NR5A2: variants seen among roughly 807,000 people sequenced by gnomAD.
The protein encoded by NR5A2 is nuclear receptor subfamily 5 group A member 2.
NR5A2 carries 26 observed loss-of-function variants against 62.7 expected under a neutral mutation model. The observed-to-expected ratio is 0.41, with a 90% CI of 0.30 to 0.58. The LOEUF (loss-of-function observed/expected upper bound fraction) is 0.58, where lower values mean the gene tolerates loss of function less well. Ranked by LOEUF, NR5A2 falls within the 20% of genes least tolerant of loss-of-function variation. The pLI, the probability that NR5A2 is intolerant of heterozygous loss-of-function variation, is 0.22. For missense variants in NR5A2, 541 were observed against 669.1 expected, an observed-to-expected ratio of 0.81 and a Z score of 2.11; for synonymous variants, 246 against 241.7, an observed-to-expected ratio of 1.02 and a Z score of -0.16.
chr1:200,066,588 C>CTTTTCTTTTTTTT (rs1553267898), intron 5 of NR5A2, among the ~76,000 whole-genome samples: 2 of 113,154 alleles, frequency 1.8e-5, no homozygotes, highest in African/African-American at 8.2e-5. Flanking sequence ...AATTAATTAT[C>CTTTTCTTTTTTTT]TTTTTTTTTT....
At chr1:200,088,565 C>T (rs1343227051) in intron 5 of NR5A2, among the ~76,000 whole-genome samples, 1 of 152,106 alleles carries the variant, frequency 6.6e-6, no homozygotes, top group Admixed American at 6.5e-5. Flanking sequence ...CCGCCCAGCC[C>T]CTTGTTATTT....
chr1:200,173,985 C>A lies in NR5A2; in HGVS notation c.1401C>A (p.Phe467Leu). ...FSLDVKNLEN[F>L]QLVEGVQEQV... ...CAGATGTCAAAAACCTTGAAAACTT[C>A]CAGCTGGTAGAAGGTGTCCAGGAAC... The change falls in exon 8 of 8, where the codon TTC (phenylalanine) becomes TTA (leucine). Residue 467 changes from phenylalanine to leucine, a missense_variant. Phe to Leu is a conservative substitution (Grantham distance 22). Around this residue, in one of 3 missense-constraint regions of NR5A2, gnomAD observed 379 missense variants for 442.0 expected, o/e 0.86. Coordinates refer to ENST00000367362, the MANE Select transcript of NR5A2 (RefSeq NM_205860.3). 6.9e-7 allele frequency: 1 copy of A among 1,459,174 alleles called. No individual in the cohort carries two copies. Among genetic ancestry groups the A allele is most frequent in the Non-Finnish European group, 9.1e-7 (1 of 1,098,446 alleles). 90.4% of individuals were successfully genotyped at this position (1,459,174 alleles called of 1,614,324 possible). A position where few individuals can be genotyped will look rare whatever the true frequency, so the allele number is the denominator to read the frequency against.
rs1662491770 is a variant in NR5A2 at position 200,048,660 on chromosome 1, G to A, written c.952G>A (p.Val318Ile). Reference protein sequence around the residue: ...LLKCEPDEPQVQAKIMAYLQQ... With the variant: ...LLKCEPDEPQIQAKIMAYLQQ... ...GAAGTGTGAGCCAGATGAGCCTCAA[G>A]TCCAGGCTAAAATCATGGCCTATTT... is the stretch of plus-strand genomic sequence containing the variant. Residue 318 changes from valine (V) to isoleucine (I), a missense_variant, in exon 5 of 8, where the codon GTC becomes ATC. By Grantham distance (29) the Val-to-Ile change is conservative (BLOSUM62 3). Around this residue, in one of 3 missense-constraint regions of NR5A2, gnomAD observed 379 missense variants for 442.0 expected, o/e 0.86. Coordinates refer to ENST00000367362, the MANE Select transcript of NR5A2 (RefSeq NM_205860.3). This position sits in a 1 kb window ranked among gnomAD's most constrained non-coding sequence, Gnocchi z 4.8. 1 of 1,614,212 alleles carries A rather than the reference G, an allele frequency of 6.2e-7. No homozygotes were observed. Among genetic ancestry groups the A allele is most frequent in the Non-Finnish European group, 8.5e-7 (1 of 1,180,038 alleles).
intron 6 of NR5A2, among the ~76,000 whole-genome samples, chr1:200,111,893 A>T (rs2816976): frequency 0.43 from 65,100 of 151,904 alleles, 14,377 homozygotes; most frequent in East Asian, 0.68. Context: ...GATCAACAAA[A>T]ATTTATTGAG....
At chr1:200,103,050 A>C (rs1378821268) in intron 5 of NR5A2, among the ~76,000 whole-genome samples, 1 of 151,918 alleles carries the variant, frequency 6.6e-6, no homozygotes, top group Non-Finnish European at 1.5e-5. Context: ...CTCATTGGTA[A>C]AATGAGGATT....
chr1:200,118,024 T>TTC (rs1553274566), intron 6 of NR5A2, among the ~76,000 whole-genome samples: 4 of 139,324 alleles, frequency 2.9e-5, no homozygotes, highest in Non-Finnish European at 6.2e-5. Context: ...TTTTTCTTTT[T>TTC]TTTTTTTTTT....
chr1:200,140,946 G>A (rs1434537938), intron 7 of NR5A2, among the ~76,000 whole-genome samples: 3 of 152,136 alleles, frequency 2.0e-5, no homozygotes, highest in Non-Finnish European at 4.4e-5. Context: ...CAGGAGAATT[G>A]CTTGAACCTG....
At chr1:200,071,000 G>A (rs1168759770) in intron 5 of NR5A2, among the ~76,000 whole-genome samples, 2 of 152,156 alleles carry the variant, frequency 1.3e-5, no homozygotes, top group Admixed American at 6.6e-5. Context: ...CTTTTGAAAT[G>A]GGAGCAAAGC....
chr1:200,147,683 A>C lies in NR5A2; in HGVS notation c.1379-26280A>C. 1 of 686,446 alleles carries C rather than the reference A, an allele frequency of 1.5e-6. No homozygotes were observed. The highest frequency in any genetic ancestry group is 2.8e-6 in the Non-Finnish European group (1 of 362,494). 42.5% of individuals were successfully genotyped at this position (686,446 alleles called of 1,614,324 possible). ...TCGGACACGTGGAAGACATGGGTGG[A>C]CTTGGGCTCCGAGGCGATCTCCTCC... On this transcript the variant is annotated intron_variant, in intron 7 of 7. Transcript: ENST00000367362. This position sits in a 1 kb window ranked among gnomAD's most constrained non-coding sequence, Gnocchi z 4.9.
intron 5 of NR5A2, among the ~76,000 whole-genome samples, chr1:200,105,735 T>C (rs1021699268): frequency 6.6e-6 from 1 of 152,098 alleles, no homozygotes. Flanking sequence ...GAGGATACCT[T>C]GAGTCTAGGA....
chr1:200,102,712 G>T (rs976105071), intron 5 of NR5A2, among the ~76,000 whole-genome samples: 4 of 151,972 alleles, frequency 2.6e-5, no homozygotes, highest in Non-Finnish European at 4.4e-5. Context: ...AGCTTATTTT[G>T]TACAATTTAA....
At chr1:200,031,497 A>G (rs1661544831) in intron 1 of NR5A2, among the ~76,000 whole-genome samples, 1 of 152,024 alleles carries the variant, frequency 6.6e-6, no homozygotes, top group African/African-American at 2.4e-5. Context: ...CCTGGGCAAC[A>G]AAGTGAGACC....
At chr1:200,064,514 C>A (rs1295123588) in intron 5 of NR5A2, among the ~76,000 whole-genome samples, 1 of 152,042 alleles carries the variant, frequency 6.6e-6, no homozygotes, top group African/African-American at 2.4e-5. Flanking sequence ...GCTGGAAGGA[C>A]AAGGATAGGG....
At chr1:200,058,793 G>GT (rs973028852) in intron 5 of NR5A2, among the ~76,000 whole-genome samples, 3 of 142,874 alleles carry the variant, frequency 2.1e-5, no homozygotes, top group African/African-American at 8.3e-5. Context: ...TTTGTTTTTT[G>GT]TTTTTGTTTT....
chr1:200,170,451 ACT>A (rs1654119912), intron 7 of NR5A2, among the ~76,000 whole-genome samples: 1 of 152,194 alleles, frequency 6.6e-6, no homozygotes, highest in African/African-American at 2.4e-5. Context: ...AAGTTTCTAA[ACT>A]CTTCCTAAAA....
intron 7 of NR5A2, among the ~76,000 whole-genome samples, chr1:200,139,300 G>A (rs1001032404): frequency 3.3e-5 from 5 of 152,088 alleles, no homozygotes; most frequent in South Asian, 2.1e-4. Flanking sequence ...AACCTTCTGT[G>A]TAGACATTCA....
intron 5 of NR5A2, among the ~76,000 whole-genome samples, chr1:200,082,395 T>C (rs1664338724): frequency 1.3e-5 from 2 of 152,206 alleles, no homozygotes; most frequent in Admixed American, 1.3e-4. Context: ...GAGAAGAACA[T>C]CACATTAGGT....
At chr1:200,121,449 C>T (rs752866124) in intron 7 of NR5A2, among the ~76,000 whole-genome samples, 5 of 152,146 alleles carry the variant, frequency 3.3e-5, no homozygotes, top group African/African-American at 4.8e-5. Context: ...CCAGATGCAC[C>T]ACTATGCAAG....
At chr1:200,044,938 T>G (rs1662287317) in intron 3 of NR5A2, among the ~76,000 whole-genome samples, 1 of 152,020 alleles carries the variant, frequency 6.6e-6, no homozygotes, top group Non-Finnish European at 1.5e-5. Context: ...CATTTTACTC[T>G]TTAAATCCTT....
Sources: gnomAD v4.1 joint callset for allele counts (sites outside exome capture counted in the v4.1 genomes callset) on GRCh38, gnomAD v4.1.1 for gene constraint, gnomAD v4.1.1 regional missense constraint, Gnocchi (gnomAD v3.1) non-coding constraint, MANE v1.5 for transcripts, NCBI Gene and HGNC (gene_info 2026-07-23, HGNC 2026-07-21) for gene names.